RASSF6: variants seen among roughly 807,000 people sequenced by gnomAD.
The protein encoded by RASSF6 is ras association domain-containing protein 6.
A neutral mutation model predicts 44.0 loss-of-function variants in RASSF6; 52 were observed. That is an observed-to-expected ratio of 1.18 (90% confidence interval 0.95 to 1.49). The LOEUF (loss-of-function observed/expected upper bound fraction) is 1.49. Among genes scored for constraint, RASSF6 ranks in the 40% most tolerant of loss-of-function variants. The pLI is 0.00. For missense variants in RASSF6, 464 were observed against 393.3 expected, an observed-to-expected ratio of 1.18 and a Z score of -1.52; for synonymous variants, 162 against 124.6, an observed-to-expected ratio of 1.30 and a Z score of -2.00.
At chr4:73,592,992 G>T (rs59640098) in intron 4 of RASSF6, among the ~76,000 whole-genome samples, 4,404 of 149,424 alleles carry the variant, frequency 0.029, 86 homozygotes, top group South Asian at 0.061. Flanking sequence ...CCTAGTTTCT[G>T]AACACCAACT....
intron 2 of RASSF6, among the ~76,000 whole-genome samples, chr4:73,611,021 T>A (rs1180681990): frequency 6.6e-6 from 1 of 152,188 alleles, no homozygotes; most frequent in African/African-American, 2.4e-5. Context: ...CATATTTGTT[T>A]CCTTCACTTT....
At chr4:73,605,567 C>G (rs532558477) in intron 2 of RASSF6, among the ~76,000 whole-genome samples, 1 of 152,306 alleles carries the variant, frequency 6.6e-6, no homozygotes, top group East Asian at 1.9e-4. Flanking sequence ...TAGAGACCCT[C>G]CTCAGCTAGG....
At chr4:73,611,320 A>T (rs145654766) in intron 2 of RASSF6, among the ~76,000 whole-genome samples, 10 of 152,278 alleles carry the variant, frequency 6.6e-5, no homozygotes, top group Non-Finnish European at 1.0e-4. Context: ...TGCATAATCT[A>T]ATGTCAAGAG....
chr4:73,612,702 T>C (rs927232524), intron 1 of RASSF6, among the ~76,000 whole-genome samples: 1 of 152,164 alleles, frequency 6.6e-6, no homozygotes, highest in African/African-American at 2.4e-5. Context: ...GTTGTTAAAC[T>C]CACTAGGTAC....
intron 8 of RASSF6, among the ~76,000 whole-genome samples, chr4:73,579,206 A>G (rs1330932356): frequency 6.6e-6 from 1 of 152,170 alleles, no homozygotes; most frequent in African/African-American, 2.4e-5. Flanking sequence ...TTTCCCTAGG[A>G]TGAGTAACTT....
intron 5 of RASSF6, among the ~76,000 whole-genome samples, chr4:73,586,898 T>G (rs1388183937): frequency 6.8e-6 from 1 of 146,690 alleles, no homozygotes; most frequent in East Asian, 2.0e-4. Context: ...CGAGGCAGAA[T>G]TGAGAATGAT....
chr4:73,592,000 G>A lies in RASSF6; in HGVS notation c.287+1451C>T, dbSNP rs562930918. Reference sequence around the variant, plus strand: ...TATAGAAAAGTTTTCAGTGAGCCTCGTATAGACTGAGGGGTCAGAAATGGC... The same window carrying A: ...TATAGAAAAGTTTTCAGTGAGCCTCATATAGACTGAGGGGTCAGAAATGGC... On this transcript the variant is annotated intron_variant, in intron 4 of 10. Coordinates refer to ENST00000307439, the MANE Select transcript of RASSF6 (RefSeq NM_177532.5). Among the ~76,000 whole-genome samples the A allele has an allele frequency of 1.9e-4, 29 of 151,980 alleles. No homozygotes were observed. In the South Asian group the frequency reaches 5.2e-3, roughly 27 times the overall value.
In RASSF6 at chr4:73,576,145, C is replaced by T. The variant is rs922804022; in HGVS notation, c.*90G>A. ...CTACGATTCAAGTCTCATATATGTT[C>T]GTATAAATGCAAGTACAGAACTTAT... is the stretch of plus-strand genomic sequence containing the variant. On this transcript the variant is annotated 3_prime_UTR_variant, in exon 11 of 11. Transcript: ENST00000307439. 1.0e-4 allele frequency: 70 copies of T among 674,854 alleles called. No individual in the cohort carries two copies. The Admixed American group carries it at 1.8e-3, about 17-fold the overall frequency. 41.8% of individuals were successfully genotyped at this position (674,854 alleles called of 1,614,324 possible).
intron 1 of RASSF6, among the ~76,000 whole-genome samples, chr4:73,614,911 A>C (rs1726250892): frequency 6.6e-6 from 1 of 152,240 alleles, no homozygotes; most frequent in Non-Finnish European, 1.5e-5. Context: ...AATATTATTC[A>C]TGTCTGATCT....
chr4:73,575,954 A>G lies in RASSF6; in HGVS notation c.*281T>C, dbSNP rs1294647897. The G allele has an allele frequency of 8.3e-6, 2 of 239,590 alleles. No individual in the cohort carries two copies. Among genetic ancestry groups the G allele is most frequent in the East Asian group, 8.4e-5 (1 of 11,960 alleles). 14.8% of individuals were successfully genotyped at this position (239,590 alleles called of 1,614,324 possible). ...AACTGCTTATCTGAAGACACCATTT[A>G]AATTTGAGTTCATTACATGGTTTAC... On this transcript the variant is annotated 3_prime_UTR_variant, in exon 11 of 11. Coordinates refer to ENST00000307439, the MANE Select transcript of RASSF6 (RefSeq NM_177532.5).
chr4:73,605,186 G>A (rs758564095), intron 2 of RASSF6, among the ~76,000 whole-genome samples: 119 of 151,842 alleles, frequency 7.8e-4, no homozygotes, highest in Admixed American at 2.6e-3. Context: ...CACCATGCCC[G>A]GCCTATAAAT....
intron 2 of RASSF6, among the ~76,000 whole-genome samples, chr4:73,607,797 C>T (rs1725741340): frequency 6.6e-6 from 1 of 152,094 alleles, no homozygotes; most frequent in African/African-American, 2.4e-5. Flanking sequence ...GCAAGCTCCA[C>T]AAGAGTAGGA....
At chr4:73,586,062 A>G (rs534239954) in intron 5 of RASSF6, among the ~76,000 whole-genome samples, 79 of 141,082 alleles carry the variant, frequency 5.6e-4, no homozygotes, top group African/African-American at 1.4e-3. Context: ...TAGTTTTCCT[A>G]TAAAACTACA....
chr4:73,580,503 T>C (rs1488525116), intron 8 of RASSF6, among the ~76,000 whole-genome samples: 1 of 151,474 alleles, frequency 6.6e-6, no homozygotes, highest in African/African-American at 2.4e-5. Context: ...TGTAAAAGTG[T>C]TCCTATTTCT....
At chr4:73,591,810 T>C (rs1309211206) in intron 4 of RASSF6, among the ~76,000 whole-genome samples, 1 of 152,150 alleles carries the variant, frequency 6.6e-6, no homozygotes, top group East Asian at 1.9e-4. Flanking sequence ...CTCTATACTA[T>C]GGTTTGAATC....
At chr4:73,582,415 GT>G in intron 6 of RASSF6, 125 bp from the exon 7 acceptor site, 1 of 448,374 alleles carries the variant, frequency 2.2e-6, no homozygotes, top group Non-Finnish European at 3.9e-6. Context: ...AATTTGTTTT[GT>G]TTTTGTTTGT....
rs557094328 is a variant in RASSF6 at position 73,584,350 on chromosome 4, CGAT to C, written c.567+827_567+829del. On this transcript the variant is annotated intron_variant, in intron 6 of 10. Coordinates refer to ENST00000307439, the MANE Select transcript of RASSF6 (RefSeq NM_177532.5). Reference sequence around the variant, plus strand: ...AGTGCTAAGTATTTATGAGATGGAGCGATGAATGATTGCTAAAGTACATCACAT... The same window carrying C: ...AGTGCTAAGTATTTATGAGATGGAGCGAATGATTGCTAAAGTACATCACAT... Among the ~76,000 whole-genome samples, 12 of 152,016 alleles carry C rather than the reference CGAT, an allele frequency of 7.9e-5. No homozygotes were observed. In the South Asian group the frequency reaches 2.3e-3, roughly 29 times the overall value.
Position 73,611,792 on chromosome 4 carries a change from T to A in RASSF6, c.4A>T (p.Thr2Ser), listed in dbSNP as rs1426955701. 1.2e-6 allele frequency: 2 copies of A among 1,611,248 alleles called. No homozygotes were observed. Among genetic ancestry groups the A allele is most frequent in the African/African-American group, 1.3e-5 (1 of 74,816 alleles). Reference sequence around the variant, plus strand: ...GAGGGGTACTGGTGAGCCATCATAGTCATCTTTTCCTCCTTTTTGAGATGG... The same window carrying A: ...GAGGGGTACTGGTGAGCCATCATAGACATCTTTTCCTCCTTTTTGAGATGG... Reference protein sequence around the residue: MTMMAHQYPSWI... With the variant: MSMMAHQYPSWI... The change falls in exon 2 of 11, where the codon ACT becomes TCT. Residue 2 changes from threonine (T) to serine (S), a missense_variant. Thr to Ser is a moderately conservative substitution (Grantham distance 58). Transcript: ENST00000307439.
At chr4:73,582,547 C>T (rs547023336) in intron 6 of RASSF6, among the ~76,000 whole-genome samples, 1 of 152,140 alleles carries the variant, frequency 6.6e-6, no homozygotes, top group African/African-American at 2.4e-5. Flanking sequence ...CAATTACACC[C>T]CTCTTTAGTG....
Sources: gnomAD v4.1 joint callset for allele counts (sites outside exome capture counted in the v4.1 genomes callset) on GRCh38, gnomAD v4.1.1 for gene constraint, MANE v1.5 for transcripts, NCBI Gene and HGNC (gene_info 2026-07-23, HGNC 2026-07-21) for gene names.